FBN3: variants seen among roughly 807,000 people sequenced by gnomAD.
The protein encoded by FBN3 is fibrillin 3.
Under a neutral mutation model 330.1 loss-of-function variants are expected in FBN3, and 234 were observed. The ratio of observed to expected loss-of-function variants is 0.71; its 90% CI spans 0.64 to 0.79. The LOEUF is 0.79. FBN3 is among the 30% of genes least tolerant of loss of function. The probability of loss-of-function intolerance (pLI) is 0.00; values close to 1 mark genes in which losing one functional copy is unlikely to be tolerated. For synonymous variants in FBN3, 1,458 were observed against 1,517.3 expected, an observed-to-expected ratio of 0.96 and a Z score of 0.91; for missense variants, 3,606 against 3,886.9, an observed-to-expected ratio of 0.93 and a Z score of 1.92.
Position 8,111,125 on chromosome 19 carries a change from C to T in FBN3, c.4143G>A (p.Ala1381=), listed in dbSNP as rs17160196. 175,850 of 1,612,692 alleles carry T rather than the reference C, an allele frequency of 0.11. 10,062 individuals are homozygous for T. Among genetic ancestry groups the T allele is most frequent in the East Asian group, 0.16 (7,254 of 44,842 alleles). Residue 1381 remains alanine (A), a synonymous_variant, in exon 33 of 64, where the codon GCG becomes GCA. Coordinates refer to ENST00000600128, the MANE Select transcript of FBN3 (RefSeq NM_032447.5). ...DLCDNGQCLN[A]PGGYRCECEM... is the part of the protein sequence containing the mutation. ...CACATTCACAGCGGTACCCGCCGGGCGCATTGAGGCACTGCCCGTTGTCAC... is the reference window on the plus strand; with the variant it reads ...CACATTCACAGCGGTACCCGCCGGGTGCATTGAGGCACTGCCCGTTGTCAC...
chr19:8,149,270 C>G lies in FBN3; in HGVS notation c.-18+179G>C, dbSNP rs1243927329. 6.6e-6 allele frequency among the ~76,000 whole-genome samples: 1 copy of G among 151,758 alleles called. No homozygotes were observed. The highest frequency in any genetic ancestry group is 2.4e-5 in the African/African-American group (1 of 41,368). On this transcript the variant is annotated intron_variant, in intron 1 of 63. Transcript: ENST00000600128. This position sits in a 1 kb window ranked among gnomAD's most constrained non-coding sequence, Gnocchi z 5.5. ...CTCCCGCCGGGTCCCCGCGCCCCCACTCCCCACTGCGGCGGGCGCCACTAG... is the reference window on the plus strand; with the variant it reads ...CTCCCGCCGGGTCCCCGCGCCCCCAGTCCCCACTGCGGCGGGCGCCACTAG...
chr19:8,126,929 C>T, intron 18 of FBN3, 97 bp from the exon 19 acceptor site: 1 of 1,403,308 alleles, frequency 7.1e-7, no homozygotes, highest in Non-Finnish European at 9.5e-7. Context: ...CAACCGGTGG[C>T]ACGGGGTGCA....
In FBN3 at chr19:8,100,910, T is replaced by G; in HGVS notation, c.5152A>C (p.Lys1718Gln). The change falls in exon 41 of 64, where the codon AAG (lysine) becomes CAG (glutamine). Residue 1718 changes from lysine (K) to glutamine (Q), a missense_variant. Physicochemically the swap from Lys to Gln is moderately conservative, Grantham distance 53. Transcript: ENST00000600128. ...GGGACCACTCACTCACCAAGGGGCT[T>G]CCCCGTGTGGATGTCAGTGAGGAAT... The part of the protein sequence containing the change: ...PGFLTDIHTG[K>Q]PLDIDECGEI... The G allele has an allele frequency of 1.9e-6, 3 of 1,613,482 alleles. No individual in the cohort carries two copies. The highest frequency in any genetic ancestry group is 2.5e-6 in the Non-Finnish European group (3 of 1,179,742).
rs7257948 is a variant in FBN3 at position 8,073,170 on chromosome 19, C to A, written c.7830G>T (p.Glu2610Asp). Residue 2610 changes from glutamate (E) to aspartate (D), a missense_variant, in exon 62 of 64, where the codon GAG (glutamate) becomes GAT (aspartate). Transcript: ENST00000600128. ...DFDQALGGCQEVDECAGRRGP... is the reference protein window; with the variant it reads ...DFDQALGGCQDVDECAGRRGP... Reference sequence around the variant, plus strand: ...CACGCCGTCCGGCGCACTCATCCACCTCCTGGCAGCCCCCGAGGGCCTGAT... The same window carrying A: ...CACGCCGTCCGGCGCACTCATCCACATCCTGGCAGCCCCCGAGGGCCTGAT... 0.56 allele frequency: 895,666 copies of A among 1,613,530 alleles called. 254,989 individuals are homozygous for A. The highest frequency in any genetic ancestry group is 0.86 in the African/African-American group (64,347 of 74,976).
At chr19:8,085,899 A>C (rs972454131) in intron 55 of FBN3, among the ~76,000 whole-genome samples, 2 of 151,536 alleles carry the variant, frequency 1.3e-5, no homozygotes, top group African/African-American at 4.9e-5. Flanking sequence ...TGTCCGGATT[A>C]GCTCAGCAAC....
chr19:8,115,773 C>G, intron 29 of FBN3, 133 bp from the exon 30 acceptor site: 1 of 1,028,512 alleles, frequency 9.7e-7, no homozygotes, highest in Non-Finnish European at 1.4e-6. Flanking sequence ...CTAGGACTCT[C>G]TTTCTTTTCT....
chr19:8,113,494 T>G (rs1211279484), intron 30 of FBN3, among the ~76,000 whole-genome samples: 1 of 152,072 alleles, frequency 6.6e-6, no homozygotes, highest in Non-Finnish European at 1.5e-5. Context: ...TCTCCCAAAG[T>G]GCTGGCATTA....
intron 54 of FBN3, 67 bp downstream of exon 54, chr19:8,087,010 C>T: frequency 6.4e-7 from 1 of 1,554,030 alleles, no homozygotes; most frequent in South Asian, 1.2e-5. Context: ...CCGGTCCAAC[C>T]CTCTTGCTTT....
intron 56 of FBN3, among the ~76,000 whole-genome samples, chr19:8,084,108 C>T (rs1383310380): frequency 1.3e-5 from 2 of 152,078 alleles, no homozygotes; most frequent in South Asian, 2.1e-4. Flanking sequence ...CTCCCCAGTC[C>T]TGTTGATGCC....
At chr19:8,097,672 C>G (rs1469234377) in intron 41 of FBN3, among the ~76,000 whole-genome samples, 1 of 152,198 alleles carries the variant, frequency 6.6e-6, no homozygotes, top group Non-Finnish European at 1.5e-5. Flanking sequence ...GACCCAGCAA[C>G]CCTGCTGGAA....
chr19:8,117,397 G>A, intron 27 of FBN3, 67 bp downstream of exon 27: 1 of 1,549,068 alleles, frequency 6.5e-7, no homozygotes, highest in Non-Finnish European at 8.7e-7. Context: ...GTGAGGACAG[G>A]AGGAGCTACC....
chr19:8,112,602 G>A (rs2086151), intron 30 of FBN3, among the ~76,000 whole-genome samples: 114,697 of 152,136 alleles, frequency 0.75, 43,520 homozygotes, highest in African/African-American at 0.81. Context: ...GTGAGCAGAG[G>A]TTGTGCCACT....
chr19:8,105,471 G>T (rs1308749108), intron 38 of FBN3, among the ~76,000 whole-genome samples: 1 of 151,918 alleles, frequency 6.6e-6, no homozygotes, highest in Non-Finnish European at 1.5e-5. Context: ...TTGCCCAGGT[G>T]GGTCTTAAAC....
intron 18 of FBN3, 148 bp downstream of exon 18, chr19:8,128,880 T>C (rs941204423): frequency 3.2e-6 from 3 of 938,092 alleles, no homozygotes; most frequent in East Asian, 2.7e-5. Context: ...TATGTGTGTG[T>C]GCACACTACA....
chr19:8,147,054 G>C, intron 3 of FBN3, 50 bp downstream of exon 3: 1 of 1,482,652 alleles, frequency 6.7e-7, no homozygotes. Flanking sequence ...AGGCAGGTAA[G>C]AGTGTCCCCG....
rs2144880201 is a variant in FBN3 at position 8,118,890 on chromosome 19, C to T, written c.3337+7G>A. 1 of 1,608,638 alleles carries T rather than the reference C, an allele frequency of 6.2e-7. No homozygotes were observed. Among genetic ancestry groups the T allele is most frequent in the Non-Finnish European group, 8.5e-7 (1 of 1,175,440 alleles). ...ACTCACACTTGCACACCCAGATGCA[C>T]ACTTACCCTCACAGGCAGTGCCCTT... On this transcript the variant is annotated splice_region_variant and intron_variant, in intron 26 of 63. Coordinates refer to ENST00000600128, the MANE Select transcript of FBN3 (RefSeq NM_032447.5).
chr19:8,096,134 T>G lies in FBN3; in HGVS notation c.5540-54A>C, dbSNP rs1298793682. ...CAGCTCACCCAGGGCATTGGGGAAC[T>G]TGGGGAGTGAGAGGCCAGCTGGACC... On this transcript the variant is annotated intron_variant, in intron 44 of 63. Coordinates refer to ENST00000600128, the MANE Select transcript of FBN3 (RefSeq NM_032447.5). The surrounding 1 kb of genome is among the most constrained non-coding windows in gnomAD (Gnocchi z 4.6). 2 of 1,403,252 alleles carry G rather than the reference T, an allele frequency of 1.4e-6. No individual in the cohort carries two copies. Among genetic ancestry groups the G allele is most frequent in the Non-Finnish European group, 2.0e-6 (2 of 988,822 alleles). 86.9% of individuals were successfully genotyped at this position (1,403,252 alleles called of 1,614,324 possible).
Position 8,111,747 on chromosome 19 carries a change from C to T in FBN3, c.3985G>A (p.Glu1329Lys), listed in dbSNP as rs2082590371. The change falls in exon 32 of 64, where the codon GAG (glutamate) becomes AAG (lysine). Residue 1329 changes from glutamate to lysine, a missense_variant. Transcript: ENST00000600128. Reference protein sequence around the residue: ...CHDLDECVSQEHRCSPRGDCL... With the variant: ...CHDLDECVSQKHRCSPRGDCL... The stretch of plus-strand genomic sequence containing the variant: ...TCACCTCTTGGGCTGCACCGGTGCT[C>T]CTGGGAGACGCATTCATCCAGGTCT... The T allele has an allele frequency of 1.2e-6, 2 of 1,612,638 alleles. No individual in the cohort carries two copies. Among genetic ancestry groups the T allele is most frequent in the African/African-American group, 2.7e-5 (2 of 74,816 alleles).
intron 56 of FBN3, 115 bp downstream of exon 56, chr19:8,085,248 C>T: frequency 1.2e-6 from 1 of 851,372 alleles, no homozygotes. Flanking sequence ...CACACACACA[C>T]ACACACACAG....
Sources: allele counts gnomAD v4.1 joint callset (sites outside exome capture counted in the v4.1 genomes callset), GRCh38; gene constraint gnomAD v4.1.1; non-coding constraint Gnocchi (gnomAD v3.1); transcripts MANE v1.5; gene names NCBI Gene and HGNC (gene_info 2026-07-23, HGNC 2026-07-21).